UBAC2: variants seen among roughly 807,000 people sequenced by gnomAD.
The protein encoded by UBAC2 is ubiquitin-associated domain-containing protein 2.
In UBAC2, 26 loss-of-function variants were observed where a neutral mutation model predicts 44.0. The observed-to-expected ratio is 0.59, with a 90% CI of 0.43 to 0.82. The LOEUF is 0.82. UBAC2 is among the 40% of genes least tolerant of loss of function. The pLI, the probability that UBAC2 is intolerant of heterozygous loss-of-function variation, is 0.00. For synonymous variants in UBAC2, 155 were observed against 154.3 expected (o/e 1.00, Z -0.04); for missense variants, 329 against 419.4 (o/e 0.78, Z 1.88).
chr13:99,363,468 G>C (rs1029000616), intron 7 of UBAC2, among the ~76,000 whole-genome samples: 1 of 152,208 alleles, frequency 6.6e-6, no homozygotes, highest in African/African-American at 2.4e-5. Flanking sequence ...AACCGAGGTA[G>C]TTTATTTCTG....
chr13:99,245,070 G>A (rs1440282215), intron 4 of UBAC2, among the ~76,000 whole-genome samples: 3 of 152,104 alleles, frequency 2.0e-5, no homozygotes, highest in African/African-American at 7.2e-5. Flanking sequence ...CTGACCTCAG[G>A]TGATCCACCC....
intron 7 of UBAC2, among the ~76,000 whole-genome samples, chr13:99,350,080 C>A (rs530754123): frequency 1.3e-5 from 2 of 152,098 alleles, no homozygotes; most frequent in Admixed American, 1.3e-4. Context: ...CTATGCCCGC[C>A]GGTTATTCCT....
intron 7 of UBAC2, among the ~76,000 whole-genome samples, chr13:99,342,510 A>C (rs946127469): frequency 6.6e-6 from 1 of 152,102 alleles, no homozygotes; most frequent in African/African-American, 2.4e-5. Flanking sequence ...TGTGGATGCC[A>C]GGTTGGATGC....
chr13:99,335,586 T>C (rs2044776858), intron 6 of UBAC2, among the ~76,000 whole-genome samples: 1 of 152,238 alleles, frequency 6.6e-6, no homozygotes, highest in Admixed American at 6.5e-5. Flanking sequence ...TGCAGGAAGA[T>C]GAGCGCAACA....
At chr13:99,292,213 G>A (rs938568744) in intron 4 of UBAC2, among the ~76,000 whole-genome samples, 1 of 150,274 alleles carries the variant, frequency 6.7e-6, no homozygotes, top group African/African-American at 2.4e-5. Flanking sequence ...TCTGCTCACT[G>A]CAAGCTCCGT....
chr13:99,244,142 TAATA>T (rs1160325342), intron 3 of UBAC2, among the ~76,000 whole-genome samples, 191 bp downstream of exon 3: 9 of 152,162 alleles, frequency 5.9e-5, no homozygotes, highest in Non-Finnish European at 1.3e-4. Flanking sequence ...AGCATAATAA[TAATA>T]GTGATAATGA....
intron 4 of UBAC2, among the ~76,000 whole-genome samples, chr13:99,277,741 A>G (rs1368642911): frequency 2.0e-5 from 3 of 152,036 alleles, no homozygotes; most frequent in East Asian, 3.9e-4. Context: ...ACTGTGCTCT[A>G]TTGTCTCACT....
chr13:99,363,440 A>G (rs1352240960), intron 7 of UBAC2, among the ~76,000 whole-genome samples: 2 of 152,246 alleles, frequency 1.3e-5, no homozygotes, highest in Admixed American at 1.3e-4. Context: ...GACAGATAAC[A>G]CAACATAGCA....
chr13:99,270,436 A>G (rs1594073650), intron 4 of UBAC2, among the ~76,000 whole-genome samples: 1 of 152,234 alleles, frequency 6.6e-6, no homozygotes, highest in African/African-American at 2.4e-5. Flanking sequence ...GGTCACATTT[A>G]TAGTCATCAG....
At chr13:99,382,841 CAG>C (rs1204751449) in intron 8 of UBAC2, among the ~76,000 whole-genome samples, 3 of 152,122 alleles carry the variant, frequency 2.0e-5, no homozygotes, top group African/African-American at 7.2e-5. Context: ...TCATCAGGCT[CAG>C]GGCAGAGGGC....
At chr13:99,241,230 A>G (rs1207209387) in intron 2 of UBAC2, among the ~76,000 whole-genome samples, 2 of 150,146 alleles carry the variant, frequency 1.3e-5, no homozygotes, top group Non-Finnish European at 3.0e-5. Context: ...ACATCACTGC[A>G]CTACAGCCTG....
intron 7 of UBAC2, among the ~76,000 whole-genome samples, chr13:99,352,879 G>A (rs1259865824): frequency 2.6e-5 from 4 of 152,242 alleles, no homozygotes; most frequent in East Asian, 1.9e-4. Context: ...CTCTACCTCC[G>A]TCTCCACCCC....
chr13:99,317,898 T>A, intron 5 of UBAC2, 124 bp from the exon 6 acceptor site: 1 of 648,022 alleles, frequency 1.5e-6, no homozygotes, highest in Non-Finnish European at 2.5e-6. Context: ...TTTGCTTCTC[T>A]GTATTATGGC....
intron 4 of UBAC2, among the ~76,000 whole-genome samples, chr13:99,267,552 A>G (rs61970285): frequency 0.035 from 5,255 of 152,284 alleles, 169 homozygotes; most frequent in South Asian, 0.17. Flanking sequence ...TGCCTTGTCC[A>G]GGAGGATATA....
At position 99,295,685 on chromosome 13, in the gene UBAC2, A is replaced by C; in HGVS notation, c.390-18412A>C. On this transcript the variant is annotated intron_variant, in intron 4 of 8. Transcript: ENST00000403766. This position sits in a 1 kb window ranked among gnomAD's most constrained non-coding sequence, Gnocchi z 4.1. ...CTGAGCAAATACTAGAATCCAGACA[A>C]ATATGCACACGCCTTTTGCATGTTC... The C allele has an allele frequency of 1.2e-6, 2 of 1,614,186 alleles. No individual in the cohort carries two copies. Among genetic ancestry groups the C allele is most frequent in the African/African-American group, 2.7e-5 (2 of 75,036 alleles).
rs777013772 is a variant in UBAC2, at chr13:99,314,240, G to A, written c.513+20G>A. ...CTGCAGGTACAGTATGCATTTTTATGTTCACTTTTCTTTAACCAGATCTTT... is the reference window on the plus strand; with the variant it reads ...CTGCAGGTACAGTATGCATTTTTATATTCACTTTTCTTTAACCAGATCTTT... On this transcript the variant is annotated intron_variant, in intron 5 of 8. Transcript: ENST00000403766. 2.3e-6 allele frequency: 3 copies of A among 1,284,926 alleles called. No individual in the cohort carries two copies. The highest frequency in any genetic ancestry group is 2.9e-5 in the East Asian group (1 of 35,030). 79.6% of individuals were successfully genotyped at this position (1,284,926 alleles called of 1,614,324 possible).
At chr13:99,358,052 G>T (rs540063569) in intron 7 of UBAC2, among the ~76,000 whole-genome samples, 2 of 152,204 alleles carry the variant, frequency 1.3e-5, no homozygotes, top group African/African-American at 4.8e-5. Context: ...AATGGGATGT[G>T]CTGAGAGCTG....
intron 1 of UBAC2, among the ~76,000 whole-genome samples, chr13:99,203,799 G>A (rs769518066): frequency 7.9e-5 from 12 of 152,214 alleles, no homozygotes; most frequent in Non-Finnish European, 1.3e-4. Flanking sequence ...ACATTGAGCT[G>A]AGGCTCAGAT....
At chr13:99,321,828 G>A (rs900776296) in intron 6 of UBAC2, among the ~76,000 whole-genome samples, 1 of 152,086 alleles carries the variant, frequency 6.6e-6, no homozygotes, top group African/African-American at 2.4e-5. Context: ...TAGCTTACAG[G>A]AGCAATAGTA....
Sources: allele counts gnomAD v4.1 joint callset (sites outside exome capture counted in the v4.1 genomes callset), GRCh38; gene constraint gnomAD v4.1.1; non-coding constraint Gnocchi (gnomAD v3.1); transcripts MANE v1.5; gene names NCBI Gene and HGNC (gene_info 2026-07-23, HGNC 2026-07-21).